Variants in TMEFF2 observed in about 807,000 individuals in gnomAD.
TMEFF2 encodes tomoregulin-2.
TMEFF2 carries 28 observed loss-of-function variants against 53.8 expected under a neutral mutation model. The observed-to-expected ratio is 0.52, with a 90% CI of 0.39 to 0.71. The LOEUF is 0.71. Ranked by LOEUF, TMEFF2 falls within the 30% of genes least tolerant of loss-of-function variation. The pLI is 0.00. For missense variants in TMEFF2, 353 were observed against 455.2 expected, an observed-to-expected ratio of 0.78 and a Z score of 2.04; for synonymous variants, 162 against 166.3, an observed-to-expected ratio of 0.97 and a Z score of 0.20.
chr2:192,162,739 A>C (rs1005858275), intron 4 of TMEFF2, among the ~76,000 whole-genome samples: 16 of 152,208 alleles, frequency 1.1e-4, no homozygotes, highest in African/African-American at 3.9e-4. Context: ...ATGAGCTTTT[A>C]AAAACCAAAC....
chr2:191,989,765 T>A (rs1686058818), intron 7 of TMEFF2, among the ~76,000 whole-genome samples: 2 of 152,092 alleles, frequency 1.3e-5, no homozygotes, highest in Admixed American at 1.3e-4. Flanking sequence ...CCTTGTTGGT[T>A]CTTGGCCCTT....
In TMEFF2 at chr2:192,125,710, G is replaced by A. The variant is rs188241842; in HGVS notation, c.439+53958C>T. Among the ~76,000 whole-genome samples, 50 of 152,330 alleles carry A rather than the reference G, an allele frequency of 3.3e-4. No homozygotes were observed. The East Asian group carries it at 6.9e-3, about 21-fold the overall frequency. ...GCAGCTATAAAAAGGATGAGATCAT[G>A]TCTTTTGCGGGGACATGGATGGAGC... is the stretch of plus-strand genomic sequence containing the variant. On this transcript the variant is annotated intron_variant, in intron 4 of 9. Transcript: ENST00000272771.
intron 5 of TMEFF2, among the ~76,000 whole-genome samples, chr2:192,020,670 T>C (rs1686839618): frequency 6.6e-6 from 1 of 152,108 alleles, no homozygotes; most frequent in Non-Finnish European, 1.5e-5. Context: ...AAAAGTGTTA[T>C]GGTAAGGGAT....
chr2:192,092,511 G>C (rs564301104), intron 4 of TMEFF2, among the ~76,000 whole-genome samples: 1 of 152,018 alleles, frequency 6.6e-6, no homozygotes, highest in African/African-American at 2.4e-5. Flanking sequence ...CATTGATTTA[G>C]GACTGGCTGG....
chr2:192,180,765 C>T (rs1234192797), intron 3 of TMEFF2, among the ~76,000 whole-genome samples: 1 of 151,740 alleles, frequency 6.6e-6, no homozygotes, highest in Non-Finnish European at 1.5e-5. Flanking sequence ...TGAAAATCCA[C>T]AGAAGGCTGA....
chr2:191,980,145 T>C (rs1485104961), intron 7 of TMEFF2, among the ~76,000 whole-genome samples: 1 of 152,172 alleles, frequency 6.6e-6, no homozygotes, highest in Admixed American at 6.5e-5. Context: ...TCATGGAGTT[T>C]CTATTATGAG....
chr2:192,045,638 G>T (rs527507115), intron 5 of TMEFF2, among the ~76,000 whole-genome samples: 45 of 152,270 alleles, frequency 3.0e-4, no homozygotes, highest in South Asian at 1.0e-3. Flanking sequence ...GGGGGGTTAT[G>T]CATAGGCTCA....
In TMEFF2 at chr2:191,999,154, A is replaced by G; in HGVS notation, c.591T>C (p.Ser197=). ...SQTNFNPLCA[S]DGKSYDNACQ... is the part of the protein sequence containing the mutation. ...ATGCATTATCATAAGATTTCCCATC[A>G]GAAGCGCAGAGGGGATTGAAGTTGG... The change falls in exon 6 of 10, where the codon TCT becomes TCC. Residue 197 remains serine, a synonymous_variant. Transcript: ENST00000272771. 1 of 1,612,540 alleles carries G rather than the reference A, an allele frequency of 6.2e-7. No homozygotes were observed. The highest frequency in any genetic ancestry group is 2.2e-5 in the East Asian group (1 of 44,838).
At chr2:192,011,918 G>A (rs936290433) in intron 5 of TMEFF2, among the ~76,000 whole-genome samples, 1 of 151,378 alleles carries the variant, frequency 6.6e-6, no homozygotes, top group Admixed American at 6.6e-5. Context: ...ACAGCGTCTC[G>A]CTCTGTCATC....
chr2:192,190,262 T>A (rs1388863593), intron 2 of TMEFF2, among the ~76,000 whole-genome samples: 1 of 152,150 alleles, frequency 6.6e-6, no homozygotes, highest in African/African-American at 2.4e-5. Context: ...ATTTCAGGAA[T>A]GTTTTTCCTG....
intron 7 of TMEFF2, among the ~76,000 whole-genome samples, chr2:191,983,915 G>GAAT (rs1335237184): frequency 6.6e-6 from 1 of 152,224 alleles, no homozygotes; most frequent in South Asian, 2.1e-4. Flanking sequence ...TCTTTTCCAA[G>GAAT]AATAATATTG....
intron 4 of TMEFF2, among the ~76,000 whole-genome samples, chr2:192,080,055 A>G (rs928068680): frequency 2.6e-5 from 4 of 152,178 alleles, no homozygotes; most frequent in African/African-American, 9.7e-5. Context: ...CAATAGAGTA[A>G]TTTACTATCA....
chr2:192,129,655 G>T (rs1247755202), intron 4 of TMEFF2, among the ~76,000 whole-genome samples: 1 of 152,202 alleles, frequency 6.6e-6, no homozygotes, highest in African/African-American at 2.4e-5. Context: ...TGAGGGAGTT[G>T]CTGATGTTGC....
chr2:191,960,614 G>GC (rs1394890669), intron 7 of TMEFF2, among the ~76,000 whole-genome samples: 1 of 152,134 alleles, frequency 6.6e-6, no homozygotes, highest in African/African-American at 2.4e-5. Flanking sequence ...CTCTGGTAAT[G>GC]CCCCACTTTA....
chr2:191,951,830 T>C (rs1191792802), intron 9 of TMEFF2, among the ~76,000 whole-genome samples: 1 of 152,218 alleles, frequency 6.6e-6, no homozygotes, highest in Non-Finnish European at 1.5e-5. Context: ...GTTTATGTGC[T>C]ATGCCTTCCC....
intron 4 of TMEFF2, among the ~76,000 whole-genome samples, chr2:192,133,198 A>G (rs1265108009): frequency 6.6e-6 from 1 of 152,104 alleles, no homozygotes; most frequent in Non-Finnish European, 1.5e-5. Flanking sequence ...TAACTAAATT[A>G]TCTGCTTCCC....
chr2:191,974,437 C>T (rs961626915), intron 7 of TMEFF2, among the ~76,000 whole-genome samples: 1 of 151,776 alleles, frequency 6.6e-6, no homozygotes, highest in Non-Finnish European at 1.5e-5. Flanking sequence ...TTGCTTGGTT[C>T]TATATATCTT....
intron 4 of TMEFF2, among the ~76,000 whole-genome samples, chr2:192,094,703 T>C (rs1170849803): frequency 1.3e-5 from 2 of 152,224 alleles, no homozygotes; most frequent in Non-Finnish European, 2.9e-5. Flanking sequence ...ATTTTATTTA[T>C]ACTTGGTTGA....
At chr2:192,004,632 A>G (rs1370502553) in intron 5 of TMEFF2, among the ~76,000 whole-genome samples, 1 of 152,194 alleles carries the variant, frequency 6.6e-6, no homozygotes, top group Non-Finnish European at 1.5e-5. Flanking sequence ...ATAATTAAAA[A>G]TACGTTTTGA....
Sources: gnomAD v4.1 joint callset for allele counts (sites outside exome capture counted in the v4.1 genomes callset) on GRCh38, gnomAD v4.1.1 for gene constraint, MANE v1.5 for transcripts, NCBI Gene and HGNC (gene_info 2026-07-23, HGNC 2026-07-21) for gene names.